KIF1A: variants seen among roughly 807,000 people sequenced by gnomAD.
KIF1A encodes kinesin family member 1A.
In KIF1A, 46 loss-of-function variants were observed where a neutral mutation model predicts 227.3. The observed-to-expected ratio is 0.20, with a 90% confidence interval of 0.16 to 0.26. KIF1A has a LOEUF of 0.26. Among genes scored for constraint, KIF1A ranks in the 10% least tolerant of loss-of-function variants. The pLI, the probability that KIF1A is intolerant of heterozygous loss-of-function variation, is 1.00. For synonymous variants in KIF1A, 1,022 were observed against 1,012.8 expected, an observed-to-expected ratio of 1.01 and a Z score of -0.17; for missense variants, 1,683 against 2,485.9, an observed-to-expected ratio of 0.68 and a Z score of 6.87.
rs193069763 is a variant in KIF1A at position 240,775,118 on chromosome 2, C to T, written c.958+733G>A. 2.6e-5 allele frequency among the ~76,000 whole-genome samples: 4 copies of T among 152,354 alleles called. No homozygotes were observed. Among genetic ancestry groups the T allele is most frequent in the Admixed American group, 6.5e-5 (1 of 15,308 alleles). ...GGAACACACTCTCCTCCTCTCTCAGCGGGGCCCATCCATCCGCAGGCCTGC... is the reference window on the plus strand; with the variant it reads ...GGAACACACTCTCCTCCTCTCTCAGTGGGGCCCATCCATCCGCAGGCCTGC... On this transcript the variant is annotated intron_variant, in intron 11 of 48. Transcript: ENST00000498729. The surrounding 1 kb of genome is among the most constrained non-coding windows in gnomAD (Gnocchi z 5.5).
chr2:240,718,975 G>A, intron 47 of KIF1A, 31 bp downstream of exon 47: 1 of 1,569,448 alleles, frequency 6.4e-7, no homozygotes, highest in South Asian at 1.1e-5. Context: ...AGGGTTCCTG[G>A]TGCCCGAGCC....
rs1368461778 is a variant in KIF1A, at chr2:240,792,162, C to T, written c.107-2850G>A. The stretch of plus-strand genomic sequence containing the variant: ...ACTAGAAGCCAGGGTCCCCGCAACA[C>T]CTCCCAGCCCTGAGGTCCGCCAGGC... On this transcript the variant is annotated intron_variant, in intron 2 of 48. Coordinates refer to ENST00000498729, the MANE Select transcript of KIF1A (RefSeq NM_001244008.2). The surrounding 1 kb of genome is among the most constrained non-coding windows in gnomAD (Gnocchi z 4.5). Among the ~76,000 whole-genome samples the T allele has an allele frequency of 2.0e-5, 3 of 152,142 alleles. No individual in the cohort carries two copies. Among genetic ancestry groups the T allele is most frequent in the African/African-American group, 7.2e-5 (3 of 41,430 alleles).
In KIF1A at chr2:240,773,038, G is replaced by A. The variant is rs1052595895; in HGVS notation, c.1180+76C>T. 5 of 1,449,594 alleles carry A rather than the reference G, an allele frequency of 3.4e-6. No homozygotes were observed. The East Asian group carries it at 1.2e-4, about 36-fold the overall frequency. The allele number at this position is 1,449,594 out of a possible 1,614,324, so 89.8% of individuals were successfully genotyped here. A position where few individuals can be genotyped will look rare whatever the true frequency, so the allele number is the denominator to read the frequency against. On this transcript the variant is annotated intron_variant, in intron 13 of 48. Transcript: ENST00000498729. The stretch of plus-strand genomic sequence containing the variant: ...AGCAAAGTGGTGGCCCCAGGAGAGA[G>A]GATGTGATGACCTGCGAGGCCCCTG...
chr2:240,724,276 G>C (rs1444729397), intron 40 of KIF1A: 2 of 555,102 alleles, frequency 3.6e-6, no homozygotes, highest in Non-Finnish European at 6.5e-6. Context: ...TGTGACGTGA[G>C]GCCAGGCCCC....
In KIF1A at chr2:240,762,737, C is replaced by T. The variant is rs1382859958; in HGVS notation, c.2098G>A (p.Glu700Lys). 7 of 1,595,146 alleles carry T rather than the reference C, an allele frequency of 4.4e-6. No homozygotes were observed. Among genetic ancestry groups the T allele is most frequent in the African/African-American group, 1.3e-5 (1 of 74,642 alleles). ...CCCTCACCTTCATCCTCGGGCTCCT[C>T]CTCCTCCTCGTTCACCTCCGGGTAG... ...RYYPEVNEEEEEPEDEVQWTE... is the reference protein window; with the variant it reads ...RYYPEVNEEEKEPEDEVQWTE... Residue 700 changes from glutamate (E) to lysine (K), a missense_variant, in exon 23 of 49, where the codon GAG becomes AAG. Physicochemically the swap from Glu to Lys is moderately conservative, Grantham distance 56 (BLOSUM62 1). Around this residue, in one of 12 missense-constraint regions of KIF1A, gnomAD observed 217 missense variants for 427.0 expected, o/e 0.51. Transcript: ENST00000498729.
chr2:240,791,920 A>G (rs1575644169), intron 2 of KIF1A, among the ~76,000 whole-genome samples: 1 of 77,918 alleles, frequency 1.3e-5, no homozygotes, highest in Non-Finnish European at 2.6e-5. Context: ...CTACACCCCC[A>G]TCCCAGGCCC....
rs867035008 is a variant in KIF1A, at chr2:240,811,962, G to A, written c.-61+8160C>T. ...GCTGGGGGATGGTGGCCATCCATGT[G>A]GGTATGTGGGTATGGCCAGCCGGCT... On this transcript the variant is annotated intron_variant, in intron 1 of 48. Transcript: ENST00000498729. 3.0e-4 allele frequency among the ~76,000 whole-genome samples: 46 copies of A among 152,190 alleles called. No homozygotes were observed. In the Middle Eastern group the frequency reaches 0.031, roughly 101 times the overall value.
chr2:240,758,257 T>G lies in KIF1A; in HGVS notation c.2582+103A>C. The stretch of plus-strand genomic sequence containing the variant: ...GGGAATATGGGGCTGGAAAAGCACT[T>G]GTCAGGGCCGCTCCTTGTATCAGGC... On this transcript the variant is annotated intron_variant, in intron 26 of 48. Transcript: ENST00000498729. This position sits in a 1 kb window ranked among gnomAD's most constrained non-coding sequence, Gnocchi z 5.2. The G allele has an allele frequency of 7.4e-7, 1 of 1,346,282 alleles. No individual in the cohort carries two copies. Among genetic ancestry groups the G allele is most frequent in the Non-Finnish European group, 1.0e-6 (1 of 1,002,424 alleles). 83.4% of individuals were successfully genotyped at this position (1,346,282 alleles called of 1,614,324 possible). A position where few individuals can be genotyped will look rare whatever the true frequency, so the allele number is the denominator to read the frequency against.
intron 28 of KIF1A, among the ~76,000 whole-genome samples, chr2:240,749,413 T>G (rs1422529629): frequency 6.6e-6 from 1 of 152,160 alleles, no homozygotes; most frequent in Non-Finnish European, 1.5e-5. Context: ...GGAGCCCCCC[T>G]GCAGCCATGG....
At position 240,765,774 on chromosome 2, in the gene KIF1A, G is replaced by A; in HGVS notation, c.1704C>T (p.Pro568=). 1 of 1,613,518 alleles carries A rather than the reference G, an allele frequency of 6.2e-7. No homozygotes were observed. Among genetic ancestry groups the A allele is most frequent in the Non-Finnish European group, 8.5e-7 (1 of 1,179,736 alleles). ...TGACGTAGGTGTCTGCCCCCTCACA[G>A]GGCTCCAAGGTCACCACAGCTACAG... ...GGSEAVVTLE[P]CEGADTYVNG... is the part of the protein sequence containing the mutation. Residue 568 remains proline, a synonymous_variant, in exon 20 of 49, where the codon CCC becomes CCT. Coordinates refer to ENST00000498729, the MANE Select transcript of KIF1A (RefSeq NM_001244008.2).
At chr2:240,773,452 C>T (rs2125970515) in intron 12 of KIF1A, among the ~76,000 whole-genome samples, 196 bp from the exon 13 acceptor site, 1 of 152,282 alleles carries the variant, frequency 6.6e-6, no homozygotes, top group South Asian at 2.1e-4. Flanking sequence ...GCATTTGGGG[C>T]CACAGGCCAG....
chr2:240,739,714 A>G lies in KIF1A; in HGVS notation c.3901+344T>C, dbSNP rs562647707. Among the ~76,000 whole-genome samples the G allele has an allele frequency of 9.9e-5, 15 of 152,200 alleles. No homozygotes were observed. The East Asian group carries it at 2.9e-3, about 29-fold the overall frequency. On this transcript the variant is annotated intron_variant, in intron 37 of 48. Coordinates refer to ENST00000498729, the MANE Select transcript of KIF1A (RefSeq NM_001244008.2). The surrounding 1 kb of genome is among the most constrained non-coding windows in gnomAD (Gnocchi z 5.6). ...ATTTTCCCCAACAGGTTTCAGAGAG[A>G]GAGAGCGCGCCTCTTGCCGGCACCT... is the stretch of plus-strand genomic sequence containing the variant.
intron 35 of KIF1A, 51 bp downstream of exon 35, chr2:240,741,218 G>T (rs572524126): frequency 1.6e-6 from 2 of 1,285,898 alleles, no homozygotes. Context: ...CCCTCTCCGC[G>T]CACCCCCCGA....
At position 240,775,058 on chromosome 2, in the gene KIF1A, C is replaced by A. The variant is rs2052562242; in HGVS notation, c.958+793G>T. ...GGACTGAACCTGGGTGTGCCTGGAGCAGGCGGCTCCTTCCCAGCCCACGTC... is the reference window on the plus strand; with the variant it reads ...GGACTGAACCTGGGTGTGCCTGGAGAAGGCGGCTCCTTCCCAGCCCACGTC... On this transcript the variant is annotated intron_variant, in intron 11 of 48. Coordinates refer to ENST00000498729, the MANE Select transcript of KIF1A (RefSeq NM_001244008.2). This position sits in a 1 kb window ranked among gnomAD's most constrained non-coding sequence, Gnocchi z 5.5. Among the ~76,000 whole-genome samples the A allele has an allele frequency of 6.6e-6, 1 of 152,220 alleles. No individual in the cohort carries two copies. Among genetic ancestry groups the A allele is most frequent in the South Asian group, 2.1e-4 (1 of 4,832 alleles).
chr2:240,763,310 C>T lies in KIF1A; in HGVS notation c.1805G>A (p.Arg602Gln), dbSNP rs1009422974. ...CCGGGCCTGCTCGGGGTGGTTGAACCGGAACACATGGCTCTTACCCATGAT... is the reference window on the plus strand; with the variant it reads ...CCGGGCCTGCTCGGGGTGGTTGAACTGGAACACATGGCTCTTACCCATGAT... ...RIIMGKSHVF[R>Q]FNHPEQARQE... The change falls in exon 21 of 49, where the codon CGG (arginine) becomes CAG (glutamine). Residue 602 changes from arginine (R) to glutamine (Q), a missense_variant. This residue lies in a region of KIF1A where 217 missense variants were observed against 427.0 expected (regional missense o/e 0.51). Transcript: ENST00000498729. 1 of 1,597,024 alleles carries T rather than the reference C, an allele frequency of 6.3e-7. No individual in the cohort carries two copies. Among genetic ancestry groups the T allele is most frequent in the African/African-American group, 1.3e-5 (1 of 74,474 alleles).
In KIF1A at chr2:240,803,152, G is replaced by A. The variant is rs571317549; in HGVS notation, c.-60-5340C>T. Among the ~76,000 whole-genome samples, 34 of 152,312 alleles carry A rather than the reference G, an allele frequency of 2.2e-4. 1 individual carries two copies. In the South Asian group the frequency reaches 6.0e-3, roughly 27 times the overall value. Reference sequence around the variant, plus strand: ...AGCAATACAATTTTTAAAAACCCATGGGTCAAAGAAGTCATCACACTGGAT... The same window carrying A: ...AGCAATACAATTTTTAAAAACCCATAGGTCAAAGAAGTCATCACACTGGAT... On this transcript the variant is annotated intron_variant, in intron 1 of 48. Coordinates refer to ENST00000498729, the MANE Select transcript of KIF1A (RefSeq NM_001244008.2).
intron 27 of KIF1A, among the ~76,000 whole-genome samples, chr2:240,756,630 G>A (rs1266583601): frequency 6.6e-6 from 1 of 152,280 alleles, no homozygotes; most frequent in African/African-American, 2.4e-5. Flanking sequence ...GAGGGATGGA[G>A]TAGTCCTCAC....
chr2:240,781,684 C>CCGCAGTCCCA lies in KIF1A; in HGVS notation c.882+896_882+905dup, dbSNP rs1438514867. 3.4e-6 allele frequency: 3 copies of CCGCAGTCCCA among 873,860 alleles called. No individual in the cohort carries two copies. The East Asian group carries it at 3.6e-4, about 105-fold the overall frequency. 54.1% of individuals were successfully genotyped at this position (873,860 alleles called of 1,614,324 possible). A position where few individuals can be genotyped will look rare whatever the true frequency, so the allele number is the denominator to read the frequency against. On this transcript the variant is annotated intron_variant, in intron 10 of 48. Coordinates refer to ENST00000498729, the MANE Select transcript of KIF1A (RefSeq NM_001244008.2). ...ATTCCCCACGCAGGTCCTCCGTCTC[C>CCGCAGTCCCA]CGCAGTCCCACGCAGTGTCCTGTGC... is the stretch of plus-strand genomic sequence containing the variant.
At chr2:240,780,551 C>T (rs2053523872) in intron 10 of KIF1A, among the ~76,000 whole-genome samples, 1 of 151,996 alleles carries the variant, frequency 6.6e-6, no homozygotes, top group South Asian at 2.1e-4. Flanking sequence ...CTGCACGGTT[C>T]CCTCACATGA....
Sources: gnomAD v4.1 joint callset for allele counts (sites outside exome capture counted in the v4.1 genomes callset) on GRCh38, gnomAD v4.1.1 for gene constraint, gnomAD v4.1.1 regional missense constraint, Gnocchi (gnomAD v3.1) non-coding constraint, MANE v1.5 for transcripts, NCBI Gene and HGNC (gene_info 2026-07-23, HGNC 2026-07-21) for gene names.